The following STT3B variants were observed in gnomAD, a reference collection of about 807,000 sequenced individuals.
STT3B encodes dolichyl-diphosphooligosaccharide--protein glycosyltransferase subunit STT3B.
A neutral mutation model predicts 96.8 loss-of-function variants in STT3B; 29 were observed. The observed-to-expected ratio is 0.30, with a 90% CI of 0.22 to 0.41. The LOEUF is 0.41. STT3B is among the 10% of genes least tolerant of loss of function. The pLI is 1.00. For missense variants in STT3B, 640 were observed against 1,022.3 expected (o/e 0.63, Z 5.10); for synonymous variants, 367 against 360.0 (o/e 1.02, Z -0.22).
chr3:31,594,539 C>T (rs1325222874), intron 3 of STT3B, among the ~76,000 whole-genome samples: 1 of 151,960 alleles, frequency 6.6e-6, no homozygotes, highest in Admixed American at 6.6e-5. Context: ...AAGTGATTCT[C>T]CTGCCTCAGC....
chr3:31,618,120 A>ATG (rs1394147043), intron 8 of STT3B, 132 bp downstream of exon 8: 2 of 696,840 alleles, frequency 2.9e-6, no homozygotes, highest in Non-Finnish European at 5.1e-6. Flanking sequence ...AGTTTAGTAA[A>ATG]TGTTAAATTC....
At chr3:31,576,687 C>T (rs767215993) in intron 2 of STT3B, among the ~76,000 whole-genome samples, 183 bp downstream of exon 2, 37 of 152,212 alleles carry the variant, frequency 2.4e-4, no homozygotes, top group Non-Finnish European at 4.3e-4. Flanking sequence ...CCTTAATCCC[C>T]AACCTGTTTT....
rs547143080 is a variant in STT3B at position 31,567,805 on chromosome 3, T to A, written c.315-8591T>A. The stretch of plus-strand genomic sequence containing the variant: ...TGTGTAGAAGTCAAATCCAGGTAAT[T>A]GGCATAGTCATCACCTCACGCATTT... On this transcript the variant is annotated intron_variant, in intron 1 of 15. Coordinates refer to ENST00000295770, the MANE Select transcript of STT3B (RefSeq NM_178862.3). 2.6e-5 allele frequency among the ~76,000 whole-genome samples: 4 copies of A among 152,304 alleles called. No individual in the cohort carries two copies. The South Asian group carries it at 8.3e-4, about 32-fold the overall frequency.
intron 14 of STT3B, among the ~76,000 whole-genome samples, chr3:31,631,579 C>T (rs928889038): frequency 2.0e-5 from 3 of 152,140 alleles, no homozygotes; most frequent in African/African-American, 4.8e-5. Context: ...TGAAGTGTAA[C>T]TTTTGCTATC....
In STT3B at chr3:31,563,396, T is replaced by C. The variant is rs571717311; in HGVS notation, c.315-13000T>C. On this transcript the variant is annotated intron_variant, in intron 1 of 15. Coordinates refer to ENST00000295770, the MANE Select transcript of STT3B (RefSeq NM_178862.3). ...GACACAGTACTAAGCATTTGGGATA[T>C]ATACAAGGATCTTTGTTGTGATGGA... Among the ~76,000 whole-genome samples, 14 of 152,342 alleles carry C rather than the reference T, an allele frequency of 9.2e-5. No homozygotes were observed. The South Asian group carries it at 2.9e-3, about 32-fold the overall frequency.
At chr3:31,609,405 C>CTT (rs1699133962) in intron 5 of STT3B, among the ~76,000 whole-genome samples, 1 of 152,148 alleles carries the variant, frequency 6.6e-6, no homozygotes, top group Non-Finnish European at 1.5e-5. Context: ...AGTCTCCAAA[C>CTT]ACACCACACA....
intron 5 of STT3B, among the ~76,000 whole-genome samples, chr3:31,602,884 C>T (rs1007091120): frequency 5.9e-5 from 9 of 151,922 alleles, no homozygotes; most frequent in African/African-American, 1.7e-4. Context: ...AGTCTGCTTT[C>T]TTAGGGTTTA....
intron 1 of STT3B, among the ~76,000 whole-genome samples, chr3:31,570,300 C>T (rs1269565864): frequency 6.6e-6 from 1 of 152,088 alleles, no homozygotes; most frequent in Non-Finnish European, 1.5e-5. Context: ...TATGAGATAA[C>T]TCCAAGATAC....
intron 5 of STT3B, among the ~76,000 whole-genome samples, chr3:31,609,889 A>G (rs1430153449): frequency 6.6e-6 from 1 of 152,126 alleles, no homozygotes; most frequent in Non-Finnish European, 1.5e-5. Context: ...AAATGTTGTG[A>G]TTAAGTATCT....
At chr3:31,582,718 C>T (rs780736820) in intron 3 of STT3B, among the ~76,000 whole-genome samples, 6 of 151,800 alleles carry the variant, frequency 4.0e-5, no homozygotes, top group Admixed American at 6.6e-5. Flanking sequence ...ACTACTTTGA[C>T]GGTGTCTCAT....
At chr3:31,605,980 T>A (rs1352291462) in intron 5 of STT3B, among the ~76,000 whole-genome samples, 1 of 152,248 alleles carries the variant, frequency 6.6e-6, no homozygotes, top group East Asian at 1.9e-4. Context: ...TTTTGGGAAA[T>A]GGAGTAAAGG....
At chr3:31,541,464 C>G (rs118000798) in intron 1 of STT3B, among the ~76,000 whole-genome samples, 4 of 118,688 alleles carry the variant, frequency 3.4e-5, no homozygotes, top group African/African-American at 1.3e-4. Context: ...CTTTTTTTTT[C>G]TTTTTTTGTT....
chr3:31,572,977 T>C (rs1309166487), intron 1 of STT3B, among the ~76,000 whole-genome samples: 2 of 152,218 alleles, frequency 1.3e-5, no homozygotes, highest in East Asian at 1.9e-4. Flanking sequence ...TGAAATTTTA[T>C]CTATGTCAAG....
intron 5 of STT3B, 69 bp downstream of exon 5, chr3:31,600,528 A>G: frequency 1.4e-6 from 1 of 723,976 alleles, no homozygotes; most frequent in East Asian, 2.7e-5. Context: ...TATTGAAGAG[A>G]TATTTCTATT....
At chr3:31,625,847 G>T in intron 12 of STT3B, 107 bp from the exon 13 acceptor site, 1 of 1,099,874 alleles carries the variant, frequency 9.1e-7, no homozygotes, top group East Asian at 2.5e-5. Flanking sequence ...AAAATTCCAT[G>T]TAAAACAAAC....
At position 31,615,190 on chromosome 3, in the gene STT3B, C is replaced by T. The variant is rs1699279257; in HGVS notation, c.963C>T (p.His321=). The change falls in exon 6 of 16, where the codon CAC becomes CAT. Residue 321 remains histidine (H), a synonymous_variant. Transcript: ENST00000295770. Reference sequence around the variant, plus strand: ...TCCAGCCAATCAGAACAAGTGAACACATGGCAGCTGCAGGTATGAAAAATA... The same window carrying T: ...TCCAGCCAATCAGAACAAGTGAACATATGGCAGCTGCAGGTATGAAAAATA... The part of the protein sequence containing the change: ...VGFQPIRTSE[H]MAAAGVFALL... 1 of 1,607,168 alleles carries T rather than the reference C, an allele frequency of 6.2e-7. No individual in the cohort carries two copies. Among genetic ancestry groups the T allele is most frequent in the Non-Finnish European group, 8.5e-7 (1 of 1,175,124 alleles).
intron 9 of STT3B, among the ~76,000 whole-genome samples, chr3:31,620,625 G>T (rs1045417063): frequency 6.6e-6 from 1 of 152,242 alleles, no homozygotes; most frequent in East Asian, 1.9e-4. Flanking sequence ...AGTATTTAGG[G>T]TTCTATATTT....
In STT3B at chr3:31,533,232, C is replaced by A. The variant is rs1210264930; in HGVS notation, c.234C>A (p.Phe78Leu). The A allele has an allele frequency of 2.7e-6, 4 of 1,489,418 alleles. No individual in the cohort carries two copies. The highest frequency in any genetic ancestry group is 3.6e-6 in the Non-Finnish European group (4 of 1,116,414). The allele number at this position is 1,489,418 out of a possible 1,614,324, so 92.3% of individuals were successfully genotyped here. Reference protein sequence around the residue: ...WQSLLSFTILFLAWLAGFSSR... With the variant: ...WQSLLSFTILLLAWLAGFSSR... ...CGCTTCTCTCCTTCACCATCCTCTT[C>A]CTGGCCTGGCTTGCCGGCTTCAGCT... is the stretch of plus-strand genomic sequence containing the variant. Residue 78 changes from phenylalanine (F) to leucine (L), a missense_variant, in exon 1 of 16, where the codon TTC (phenylalanine) becomes TTA (leucine). By Grantham distance (22) the Phe-to-Leu change is conservative. Transcript: ENST00000295770.
intron 5 of STT3B, among the ~76,000 whole-genome samples, chr3:31,614,401 T>C (rs1433162832): frequency 3.3e-5 from 5 of 151,988 alleles, no homozygotes; most frequent in Admixed American, 6.6e-5. Flanking sequence ...TGACACAAAT[T>C]GTAAATCCCT....
Sources: gnomAD v4.1 joint callset for allele counts (sites outside exome capture counted in the v4.1 genomes callset) on GRCh38, gnomAD v4.1.1 for gene constraint, MANE v1.5 for transcripts, NCBI Gene and HGNC (gene_info 2026-07-23, HGNC 2026-07-21) for gene names.